Variants in MYPN observed in about 807,000 individuals in gnomAD.
MYPN encodes myopalladin.
MYPN carries 63 observed loss-of-function variants against 129.4 expected under a neutral mutation model. The observed-to-expected ratio is 0.49, with a 90% CI of 0.40 to 0.60. MYPN has a LOEUF of 0.60. Ranked by LOEUF, MYPN falls within the 20% of genes least tolerant of loss-of-function variation. The pLI is 0.00. For synonymous variants in MYPN, 629 were observed against 600.9 expected, an observed-to-expected ratio of 1.05 and a Z score of -0.68; for missense variants, 1,596 against 1,635.4, an observed-to-expected ratio of 0.98 and a Z score of 0.42.
chr10:68,203,720 C>G (rs77686803), intron 18 of MYPN, among the ~76,000 whole-genome samples: 2,361 of 115,726 alleles, frequency 0.02, 26 homozygotes, highest in Middle Eastern at 0.053. Context: ...CATACACACA[C>G]AGAGAGAGAG....
At chr10:68,140,825 C>A (rs542510291) in intron 2 of MYPN, among the ~76,000 whole-genome samples, 40 of 152,290 alleles carry the variant, frequency 2.6e-4, no homozygotes, top group Non-Finnish European at 5.3e-4. Flanking sequence ...GTAATCCCAG[C>A]ACTTTGGAAG....
At chr10:68,147,177 C>G (rs894046401) in intron 4 of MYPN, among the ~76,000 whole-genome samples, 1 of 152,084 alleles carries the variant, frequency 6.6e-6, no homozygotes, top group Admixed American at 6.6e-5. Context: ...TATTTTGAGA[C>G]AGAGTGTTGC....
chr10:68,127,751 C>T (rs1243768653), intron 2 of MYPN, among the ~76,000 whole-genome samples: 1 of 152,110 alleles, frequency 6.6e-6, no homozygotes, highest in East Asian at 1.9e-4. Context: ...GGCATCTCCA[C>T]AGGACCCAGG....
At chr10:68,115,172 T>C (rs2042138065) in intron 1 of MYPN, among the ~76,000 whole-genome samples, 2 of 150,750 alleles carry the variant, frequency 1.3e-5, no homozygotes, top group Admixed American at 1.3e-4. Context: ...GGCAGGTGAG[T>C]TGCTTGAACC....
At chr10:68,184,437 A>AT (rs11377184) in intron 12 of MYPN, among the ~76,000 whole-genome samples, 71,873 of 150,926 alleles carry the variant, frequency 0.48, 17,618 homozygotes, top group Non-Finnish European at 0.54. Context: ...TGTTGGAGGC[A>AT]TTTTTTTTTA....
chr10:68,206,686 C>T (rs2043820767), intron 18 of MYPN, 84 bp from the exon 19 acceptor site: 10 of 1,581,294 alleles, frequency 6.3e-6, no homozygotes, highest in Non-Finnish European at 7.8e-6. Context: ...AAGCTGAGTT[C>T]CCCCTTCTTC....
intron 6 of MYPN, among the ~76,000 whole-genome samples, chr10:68,153,265 G>A (rs1202243394): frequency 4.6e-5 from 7 of 152,140 alleles, no homozygotes; most frequent in Non-Finnish European, 5.9e-5. Context: ...GATTACAGGC[G>A]TGAGCCACGG....
upstream of MYPN, among the ~76,000 whole-genome samples, chr10:68,107,154 A>G (rs1345093358): frequency 6.6e-6 from 1 of 152,210 alleles, no homozygotes; most frequent in African/African-American, 2.4e-5. Context: ...ACTAAAATCT[A>G]AAATATGTTT....
At chr10:68,103,636 A>G (rs955021096), upstream of MYPN, among the ~76,000 whole-genome samples, 1 of 152,200 alleles carries the variant, frequency 6.6e-6, no homozygotes, top group Non-Finnish European at 1.5e-5. Context: ...CATTGAAAAG[A>G]GAGTGAGTTC....
chr10:68,157,048 A>T (rs2042887363), intron 6 of MYPN, among the ~76,000 whole-genome samples: 1 of 152,232 alleles, frequency 6.6e-6, no homozygotes, highest in Admixed American at 6.5e-5. Flanking sequence ...GATGAATAAG[A>T]AACTAGCTGT....
At chr10:68,183,199 G>A (rs1482394992) in intron 12 of MYPN, among the ~76,000 whole-genome samples, 4 of 152,148 alleles carry the variant, frequency 2.6e-5, no homozygotes, top group Non-Finnish European at 2.9e-5. Flanking sequence ...GGTGACTCAC[G>A]CCTGTAATCC....
chr10:68,110,884 C>G (rs988803947), intron 1 of MYPN, among the ~76,000 whole-genome samples: 1 of 152,072 alleles, frequency 6.6e-6, no homozygotes, highest in Non-Finnish European at 1.5e-5. Flanking sequence ...ACAGAGGTGT[C>G]AAGAGATAAA....
chr10:68,101,963 G>A (rs1265031330), upstream of MYPN, among the ~76,000 whole-genome samples: 1 of 151,864 alleles, frequency 6.6e-6, no homozygotes, highest in African/African-American at 2.4e-5. Flanking sequence ...CTCCTAACAG[G>A]AAAAGTACTT....
At chr10:68,209,605 G>A (rs1164857837) in intron 19 of MYPN, among the ~76,000 whole-genome samples, 2 of 147,280 alleles carry the variant, frequency 1.4e-5, no homozygotes, top group Non-Finnish European at 3.0e-5. Flanking sequence ...ATGGTAGGAC[G>A]CTGGAAGGGG....
chr10:68,197,919 G>T (rs568513518), intron 16 of MYPN, among the ~76,000 whole-genome samples: 1 of 152,018 alleles, frequency 6.6e-6, no homozygotes, highest in South Asian at 2.1e-4. Flanking sequence ...GTGTGAACGC[G>T]GTGGGCAAAT....
chr10:68,158,408 T>C, intron 6 of MYPN, 78 bp from the exon 7 acceptor site: 1 of 1,412,228 alleles, frequency 7.1e-7, no homozygotes, highest in Non-Finnish European at 9.9e-7. Context: ...CGGCATCTTT[T>C]TCTAAAATTC....
At chr10:68,115,920 AC>A (rs2042150867) in intron 1 of MYPN, among the ~76,000 whole-genome samples, 1 of 152,342 alleles carries the variant, frequency 6.6e-6, no homozygotes, top group South Asian at 2.1e-4. Context: ...CCAGATGGTC[AC>A]ATGAGTAACT....
chr10:68,176,883 A>G (rs1013813452), intron 12 of MYPN, among the ~76,000 whole-genome samples: 1 of 152,186 alleles, frequency 6.6e-6, no homozygotes, highest in Non-Finnish European at 1.5e-5. Context: ...CAGAACAGTT[A>G]CCTTCAAGCT....
chr10:68,137,386 G>A (rs2042504144), intron 2 of MYPN, among the ~76,000 whole-genome samples: 2 of 152,074 alleles, frequency 1.3e-5, no homozygotes, highest in South Asian at 4.1e-4. Context: ...GGAAATTGTG[G>A]CTATTCTTAT....
Sources: allele counts gnomAD v4.1 joint callset (sites outside exome capture counted in the v4.1 genomes callset), GRCh38; gene constraint gnomAD v4.1.1; transcripts MANE v1.5; gene names NCBI Gene and HGNC (gene_info 2026-07-23, HGNC 2026-07-21).